Variants in HDAC9 observed in about 807,000 individuals in gnomAD.
HDAC9 encodes the protein histone deacetylase 9.
A neutral mutation model predicts 139.4 loss-of-function variants in HDAC9; 41 were observed. The ratio of observed to expected loss-of-function variants is 0.29; its 90% confidence interval spans 0.23 to 0.38. The LOEUF is 0.38. HDAC9 is among the 10% of genes least tolerant of loss of function. The probability of loss-of-function intolerance (pLI) is 1.00; values close to 1 mark genes in which losing one functional copy is unlikely to be tolerated. For missense variants in HDAC9, 1,147 were observed against 1,297.0 expected, an observed-to-expected ratio of 0.88 and a Z score of 1.78; for synonymous variants, 517 against 476.2, an observed-to-expected ratio of 1.09 and a Z score of -1.12.
At chr7:18,192,125 G>A (rs2529750) in intron 2 of HDAC9, among the ~76,000 whole-genome samples, 35,531 of 152,008 alleles carry the variant, frequency 0.23, 5,001 homozygotes, top group Admixed American at 0.31. Flanking sequence ...GCCGGGGGGC[G>A]GGGGGGTGTC....
At chr7:18,573,537 C>T (rs183773380) in intron 2 of HDAC9, among the ~76,000 whole-genome samples, 33 of 152,326 alleles carry the variant, frequency 2.2e-4, no homozygotes, top group Admixed American at 2.0e-3. Flanking sequence ...ACAGGCTGCA[C>T]TCGGCTCGTG....
At chr7:18,611,164 A>C (rs1051961910) in intron 6 of HDAC9, among the ~76,000 whole-genome samples, 2 of 152,154 alleles carry the variant, frequency 1.3e-5, no homozygotes, top group African/African-American at 4.8e-5. Context: ...AGAAGAGCAT[A>C]ATGATTTATT....
intron 1 of HDAC9, among the ~76,000 whole-genome samples, chr7:18,386,219 C>CT (rs1169877955): frequency 6.6e-6 from 1 of 152,144 alleles, no homozygotes; most frequent in Non-Finnish European, 1.5e-5. Flanking sequence ...TTGTATAGAT[C>CT]TTTTCATAAG....
intron 1 of HDAC9, among the ~76,000 whole-genome samples, chr7:18,133,107 C>A (rs1012066417): frequency 6.6e-6 from 1 of 152,096 alleles, no homozygotes; most frequent in Admixed American, 6.6e-5. Flanking sequence ...CTTCTTCCCA[C>A]CCTCAGCTCA....
intron 2 of HDAC9, among the ~76,000 whole-genome samples, chr7:18,180,155 T>G (rs1442078807): frequency 1.3e-5 from 2 of 151,930 alleles, no homozygotes; most frequent in Non-Finnish European, 2.9e-5. Context: ...GTTGCCTTGC[T>G]TCATCTTTTG....
rs1786585509 is a variant in HDAC9, at chr7:18,998,457, T to G, written c.*2395T>G. ...ACCCAATTGGTTGCACTTAGAGTCT[T>G]TAAAATACCTGGAGAAGCAAATGAA... On this transcript the variant is annotated 3_prime_UTR_variant, in exon 26 of 26. Transcript: ENST00000686413. 1 of 152,178 alleles carries G rather than the reference T, an allele frequency of 6.6e-6. No individual in the cohort carries two copies. Among genetic ancestry groups the G allele is most frequent in the African/African-American group, 2.4e-5 (1 of 41,432 alleles). The allele number at this position is 152,178 out of a possible 1,614,324, so 9.4% of individuals were successfully genotyped here.
chr7:18,549,644 G>A (rs1816422661), intron 2 of HDAC9, among the ~76,000 whole-genome samples: 1 of 152,008 alleles, frequency 6.6e-6, no homozygotes, highest in South Asian at 2.1e-4. Context: ...TATATAAGAT[G>A]TAACCATTGG....
intron 21 of HDAC9, among the ~76,000 whole-genome samples, chr7:18,855,877 G>C (rs575310982): frequency 2.6e-5 from 4 of 152,040 alleles, no homozygotes; most frequent in Non-Finnish European, 5.9e-5. Flanking sequence ...TTTTACTTCT[G>C]TGCACCGTCA....
In HDAC9 at chr7:18,962,441, G is replaced by A. The variant is rs115388467; in HGVS notation, c.3022+8211G>A. Among the ~76,000 whole-genome samples the A allele has an allele frequency of 3.0e-3, 449 of 152,094 alleles. 2 individuals carry two copies. The highest frequency in any genetic ancestry group is 0.01 in the African/African-American group (430 of 41,492). On this transcript the variant is annotated intron_variant, in intron 24 of 25. Coordinates refer to ENST00000686413, the MANE Select transcript of HDAC9 (RefSeq NM_178425.4). ...AAAGTCTGGTTGTTGTGTTGGTGGC[G>A]CCCTAATACTAGAATGTATCAGAAT...
At position 18,999,593 on chromosome 7, in the gene HDAC9, C is replaced by A. The variant is rs549824912; in HGVS notation, c.*3531C>A. The A allele has an allele frequency of 5.3e-5, 8 of 152,316 alleles. No individual in the cohort carries two copies. The highest frequency in any genetic ancestry group is 1.9e-4 in the African/African-American group (8 of 41,542). 9.4% of individuals were successfully genotyped at this position (152,316 alleles called of 1,614,324 possible). ...TGACGAGTAGCTGGGCATGCGCCAC[C>A]ACGTCTGGCTAATTTTTGTATTTTT... On this transcript the variant is annotated 3_prime_UTR_variant, in exon 26 of 26. Transcript: ENST00000686413.
rs1786658824 is a variant in HDAC9 at position 18,999,699 on chromosome 7, A to C, written c.*3637A>C. The C allele has an allele frequency of 2.6e-5, 4 of 152,202 alleles. No homozygotes were observed. The allele number at this position is 152,202 out of a possible 1,614,324, so 9.4% of individuals were successfully genotyped here. ...GGTGATCCGCCCGCCTCGGCCTCCC[A>C]AAGTGCTGAAATTACAGGTGTGAGC... On this transcript the variant is annotated 3_prime_UTR_variant, in exon 26 of 26. Transcript: ENST00000686413.
intron 2 of HDAC9, among the ~76,000 whole-genome samples, chr7:18,249,534 A>C (rs1051036327): frequency 7.6e-5 from 11 of 145,610 alleles, no homozygotes; most frequent in South Asian, 4.4e-4. Flanking sequence ...CAAAAAAAAA[A>C]CTTTCTGAAC....
At chr7:18,634,594 A>G in intron 7 of HDAC9, 33 bp from the exon 8 acceptor site, 1 of 1,347,588 alleles carries the variant, frequency 7.4e-7, no homozygotes, top group Non-Finnish European at 1.0e-6. Flanking sequence ...TATGTTCCTC[A>G]TGAACACATT....
At position 18,298,777 on chromosome 7, in the gene HDAC9, T is replaced by C. The variant is rs951961011; in HGVS notation, c.-42+8262T>C. ...TCATATAGCTATAGCTGTGAGTTGG[T>C]TTAAATATCCCATATAAAAAGTTAT... On this transcript the variant is annotated intron_variant, in intron 1 of 3. Coordinates refer to the HDAC9 transcript ENST00000413509. 6.6e-5 allele frequency among the ~76,000 whole-genome samples: 10 copies of C among 152,188 alleles called. 1 individual carries two copies. Among genetic ancestry groups the C allele is most frequent in the Non-Finnish European group, 1.3e-4 (9 of 68,032 alleles).
chr7:18,739,964 G>T lies in HDAC9; in HGVS notation c.1910-9041G>T, dbSNP rs534557489. On this transcript the variant is annotated intron_variant, in intron 13 of 25. Transcript: ENST00000686413. ...CAGCTGCTTTGTTTTAGCTACTCAA[G>T]CCTCAGCAATGGCAGACACCCCTTC... is the stretch of plus-strand genomic sequence containing the variant. Among the ~76,000 whole-genome samples, 61 of 152,306 alleles carry T rather than the reference G, an allele frequency of 4.0e-4. 1 individual carries two copies. The South Asian group carries it at 7.5e-3, about 19-fold the overall frequency.
At chr7:18,423,345 A>G (rs1562971800) in intron 1 of HDAC9, among the ~76,000 whole-genome samples, 2 of 152,258 alleles carry the variant, frequency 1.3e-5, no homozygotes, top group South Asian at 2.1e-4. Flanking sequence ...TGAGAAAATC[A>G]GTAAACCTAA....
At chr7:18,516,862 G>GAAAAA (rs35689821) in intron 2 of HDAC9, among the ~76,000 whole-genome samples, 16 of 54,940 alleles carry the variant, frequency 2.9e-4, no homozygotes, top group East Asian at 1.1e-3. Context: ...CTCCATTTCA[G>GAAAAA]AAAAAAAAAA....
intron 22 of HDAC9, among the ~76,000 whole-genome samples, chr7:18,911,666 T>G (rs1303008158): frequency 6.6e-6 from 1 of 151,954 alleles, no homozygotes; most frequent in Non-Finnish European, 1.5e-5. Context: ...CTGTTTTTGC[T>G]GTATCCCATG....
At chr7:18,252,902 G>A (rs971787654) in intron 2 of HDAC9, among the ~76,000 whole-genome samples, 7 of 151,924 alleles carry the variant, frequency 4.6e-5, no homozygotes, top group South Asian at 2.1e-4. Flanking sequence ...CTATTTCTTC[G>A]TGACCGTCTC....
Sources: allele counts gnomAD v4.1 joint callset (sites outside exome capture counted in the v4.1 genomes callset), GRCh38; gene constraint gnomAD v4.1.1; transcripts MANE v1.5; gene names NCBI Gene and HGNC (gene_info 2026-07-23, HGNC 2026-07-21).